GRIP1: variants seen among roughly 807,000 people sequenced by gnomAD.
GRIP1 encodes glutamate receptor interacting protein 1, also known as glutamate receptor-interacting protein 1.
A neutral mutation model predicts 129.9 loss-of-function variants in GRIP1; 45 were observed. The ratio of observed to expected loss-of-function variants is 0.35; its 90% CI spans 0.27 to 0.44. The LOEUF (loss-of-function observed/expected upper bound fraction) is 0.44. GRIP1 is among the 20% of genes least tolerant of loss of function. The probability of loss-of-function intolerance (pLI) is 1.00; values close to 1 mark genes in which losing one functional copy is unlikely to be tolerated. For synonymous variants in GRIP1, 530 were observed against 520.8 expected, an observed-to-expected ratio of 1.02 and a Z score of -0.24; for missense variants, 1,196 against 1,396.8, an observed-to-expected ratio of 0.86 and a Z score of 2.29.
chr12:66,889,114 G>C (rs1383601806), intron 1 of GRIP1, among the ~76,000 whole-genome samples: 1 of 152,182 alleles, frequency 6.6e-6, no homozygotes, highest in African/African-American at 2.4e-5. Context: ...TTTCTCTATT[G>C]TAAGTCTAGT....
intron 7 of GRIP1, 69 bp downstream of exon 7, chr12:66,515,550 C>T (rs2138925948): frequency 7.2e-7 from 1 of 1,386,662 alleles, no homozygotes; most frequent in Non-Finnish European, 1.0e-6. Context: ...CTTAATCCAA[C>T]ATGGTTTATC....
intron 4 of GRIP1, among the ~76,000 whole-genome samples, chr12:66,533,883 A>ACTCTCT (rs1209126328): frequency 9.1e-6 from 1 of 109,592 alleles, no homozygotes; most frequent in Non-Finnish European, 2.3e-5. Flanking sequence ...ACACACATAC[A>ACTCTCT]CACACTCTCT....
chr12:66,690,830 G>T (rs1416201811), intron 1 of GRIP1, among the ~76,000 whole-genome samples: 1 of 151,556 alleles, frequency 6.6e-6, no homozygotes, highest in African/African-American at 2.4e-5. Context: ...GTATCCGGGA[G>T]GCTAAGGCAG....
chr12:66,455,446 C>T lies in GRIP1; in HGVS notation c.1317G>A (p.Met439Ile). ...AGTCTTTCTTTTTCAGTCTCCTCCT[C>T]ATCATGGTTCCACGTGGGCTGGTGG... ...LYSTSPRGTM[M>I]RRRLKKKDFK... The change falls in exon 11 of 25, where the codon ATG becomes ATA. Residue 439 changes from methionine (M) to isoleucine (I), a missense_variant. Met to Ile is a conservative substitution (Grantham distance 10). This residue lies in a region of GRIP1 where 508 missense variants were observed against 587.0 expected (regional missense o/e 0.87). Transcript: ENST00000359742. 1 of 1,614,176 alleles carries T rather than the reference C, an allele frequency of 6.2e-7. No homozygotes were observed. Among genetic ancestry groups the T allele is most frequent in the Non-Finnish European group, 8.5e-7 (1 of 1,180,000 alleles).
chr12:66,540,932 G>A (rs989655139), intron 3 of GRIP1, among the ~76,000 whole-genome samples: 4 of 151,994 alleles, frequency 2.6e-5, no homozygotes, highest in African/African-American at 9.7e-5. Context: ...CCAAGTAGCT[G>A]GGATTACAGG....
At chr12:66,671,941 A>C (rs995633782) in intron 1 of GRIP1, among the ~76,000 whole-genome samples, 3 of 152,234 alleles carry the variant, frequency 2.0e-5, no homozygotes, top group African/African-American at 4.8e-5. Context: ...TTAGACTGAA[A>C]ACTGGGAAAC....
At chr12:66,475,414 G>C (rs1165683070) in intron 7 of GRIP1, among the ~76,000 whole-genome samples, 2 of 152,166 alleles carry the variant, frequency 1.3e-5, no homozygotes, top group Non-Finnish European at 2.9e-5. Context: ...ACATTAGACA[G>C]ATCAATGAGA....
At position 66,552,840 on chromosome 12, in the gene GRIP1, T is replaced by G. The variant is rs1001971466; in HGVS notation, c.137-10890A>C. ...TCAAATAGAGGAACAGATGGAAAACTAATAGTGTAGTCACTGCAGATCACC... is the reference window on the plus strand; with the variant it reads ...TCAAATAGAGGAACAGATGGAAAACGAATAGTGTAGTCACTGCAGATCACC... On this transcript the variant is annotated intron_variant, in intron 2 of 24. Transcript: ENST00000359742. Among the ~76,000 whole-genome samples the G allele has an allele frequency of 3.9e-5, 6 of 152,110 alleles. No homozygotes were observed. In the South Asian group the frequency reaches 1.2e-3, roughly 32 times the overall value.
intron 1 of GRIP1, among the ~76,000 whole-genome samples, chr12:66,911,099 G>A (rs947145668): frequency 6.6e-6 from 1 of 152,230 alleles, no homozygotes; most frequent in Non-Finnish European, 1.5e-5. Flanking sequence ...TCTCCCTGGA[G>A]ATGGGTAGAG....
At chr12:66,872,737 C>CTTCTACGGAAAAGGAAAGG (rs2040317196) in intron 1 of GRIP1, among the ~76,000 whole-genome samples, 1 of 152,046 alleles carries the variant, frequency 6.6e-6, no homozygotes, top group Middle Eastern at 3.2e-3. Flanking sequence ...TTTGTTCAGG[C>CTTCTACGGAAAAGGAAAGG]CTTTGGAGCC....
chr12:66,481,948 G>A (rs182861152), intron 7 of GRIP1, among the ~76,000 whole-genome samples: 220 of 152,002 alleles, frequency 1.4e-3, no homozygotes, highest in Non-Finnish European at 2.7e-3. Flanking sequence ...GGGCCTGTCG[G>A]GGGGTGGGAG....
At position 66,656,044 on chromosome 12, in the gene GRIP1, T is replaced by C. The variant is rs1453013665; in HGVS notation, c.55+22806A>G. ...TATTGATTTGACACCTATAAATATATAGGGAATAATTGAACTCTGAGTATA... is the reference window on the plus strand; with the variant it reads ...TATTGATTTGACACCTATAAATATACAGGGAATAATTGAACTCTGAGTATA... On this transcript the variant is annotated intron_variant, in intron 1 of 24. Transcript: ENST00000359742. Among the ~76,000 whole-genome samples the C allele has an allele frequency of 2.0e-5, 3 of 152,282 alleles. 1 individual carries two copies. In the East Asian group the frequency reaches 5.8e-4, roughly 29 times the overall value.
intron 23 of GRIP1, among the ~76,000 whole-genome samples, chr12:66,368,959 G>A (rs1268423474): frequency 6.6e-6 from 1 of 152,192 alleles, no homozygotes; most frequent in Non-Finnish European, 1.5e-5. Flanking sequence ...CACCCAAGAT[G>A]CGAGCATAAA....
At chr12:66,658,825 G>A (rs2033326647) in intron 1 of GRIP1, among the ~76,000 whole-genome samples, 1 of 152,020 alleles carries the variant, frequency 6.6e-6, no homozygotes, top group African/African-American at 2.4e-5. Context: ...CTGGGAGGCT[G>A]AGGGGGGAAG....
At chr12:67,003,108 TA>T (rs201946484) in intron 1 of GRIP1, among the ~76,000 whole-genome samples, 4 of 150,450 alleles carry the variant, frequency 2.7e-5, no homozygotes, top group East Asian at 1.9e-4. Context: ...ACATGCAACT[TA>T]AAAAAAAAAT....
chr12:66,668,899 A>C (rs1686417225), intron 1 of GRIP1, among the ~76,000 whole-genome samples: 1 of 152,132 alleles, frequency 6.6e-6, no homozygotes, highest in Non-Finnish European at 1.5e-5. Flanking sequence ...GCAGTAAGCC[A>C]AGATTGCACC....
intron 5 of GRIP1, among the ~76,000 whole-genome samples, chr12:66,522,222 C>T (rs989721321): frequency 6.6e-6 from 1 of 152,220 alleles, no homozygotes; most frequent in Non-Finnish European, 1.5e-5. Context: ...GTCCCTGACC[C>T]CCGAGCAGAC....
chr12:66,475,819 A>C (rs1266808485), intron 7 of GRIP1, among the ~76,000 whole-genome samples: 1 of 152,232 alleles, frequency 6.6e-6, no homozygotes, highest in Non-Finnish European at 1.5e-5. Flanking sequence ...TCTGGGATGC[A>C]TTTAAAGCAG....
chr12:66,482,636 A>T, intron 7 of GRIP1, among the ~76,000 whole-genome samples: 1 of 152,208 alleles, frequency 6.6e-6, no homozygotes, highest in East Asian at 1.9e-4. Context: ...TCACAGAGGG[A>T]TTTATGAAAA....
Sources: allele counts gnomAD v4.1 joint callset (sites outside exome capture counted in the v4.1 genomes callset), GRCh38; gene constraint gnomAD v4.1.1; regional missense constraint gnomAD v4.1.1; transcripts MANE v1.5; gene names NCBI Gene and HGNC (gene_info 2026-07-23, HGNC 2026-07-21).